The following DRICH1 variants were observed in gnomAD, a reference collection of about 807,000 sequenced individuals.
The protein encoded by DRICH1 is aspartate rich 1, also known as aspartate-rich protein 1.
In DRICH1, 38 loss-of-function variants were observed where a neutral mutation model predicts 39.5. That is an observed-to-expected ratio of 0.96 (90% CI 0.74 to 1.26). The LOEUF (loss-of-function observed/expected upper bound fraction) is 1.26. Among genes scored for constraint, DRICH1 ranks in the 50% most tolerant of loss-of-function variants. DRICH1 has a pLI of 0.00. For missense variants in DRICH1, 279 were observed against 270.4 expected, an observed-to-expected ratio of 1.03 and a Z score of -0.22; for synonymous variants, 84 against 99.5, an observed-to-expected ratio of 0.84 and a Z score of 0.93.
chr22:23,599,718 C>G, the DRICH1 span, among the ~76,000 whole-genome samples: 6 of 152,314 alleles, frequency 3.9e-5, no homozygotes, highest in South Asian at 2.1e-4. Flanking sequence ...AGCCCTGGTT[C>G]AAGCTCCCAG....
rs9624231 is a variant in DRICH1, at chr22:23,622,782, C to T, written c.299-606G>A. On this transcript the variant is annotated intron_variant, in intron 3 of 11. Transcript: ENST00000317749. ...GTGTGTGCCCACAACCTTTTGGGCC[C>T]CTGTAATCAAGGGCTTCATCAGCTC... Among the ~76,000 whole-genome samples the T allele has an allele frequency of 6.0e-3, 907 of 152,174 alleles. 11 individuals carry two copies. Among genetic ancestry groups the T allele is most frequent in the African/African-American group, 0.021 (862 of 41,484 alleles).
At chr22:23,598,917 G>A in the DRICH1 span, among the ~76,000 whole-genome samples, 1 of 152,094 alleles carries the variant, frequency 6.6e-6, no homozygotes, top group African/African-American at 2.4e-5. Flanking sequence ...GTCAGTGAGA[G>A]GCTCTGGCCT....
intron 11 of DRICH1, among the ~76,000 whole-genome samples, chr22:23,609,524 A>G (rs1926918471): frequency 6.6e-6 from 1 of 151,918 alleles, no homozygotes; most frequent in Admixed American, 6.5e-5. Flanking sequence ...CTGCTCCCTC[A>G]CTCCACAGCA....
At chr22:23,623,205 G>A (rs1927871581) in intron 3 of DRICH1, among the ~76,000 whole-genome samples, 2 of 152,100 alleles carry the variant, frequency 1.3e-5, no homozygotes, top group Admixed American at 1.3e-4. Flanking sequence ...AAAAGATTGA[G>A]ACCATCCCGG....
chr22:23,620,696 T>C, intron 4 of DRICH1, 81 bp from the exon 5 acceptor site: 5 of 1,520,162 alleles, frequency 3.3e-6, no homozygotes, highest in Non-Finnish European at 4.6e-6. Flanking sequence ...ATTCTCTTGA[T>C]GACTTCAGAA....
downstream of DRICH1, among the ~76,000 whole-genome samples, chr22:23,606,564 G>C (rs1466092417): frequency 6.6e-6 from 1 of 152,196 alleles, no homozygotes; most frequent in Non-Finnish European, 1.5e-5. Flanking sequence ...CTTCTCAAAG[G>C]CTGGTCTGAC....
Position 23,620,534 on chromosome 22 carries a change from C to T in DRICH1, c.406+60G>A, listed in dbSNP as rs112623999. 5,186 of 1,555,548 alleles carry T rather than the reference C, an allele frequency of 3.3e-3. 112 individuals carry two copies. The African/African-American group carries it at 0.047, about 14-fold the overall frequency. On this transcript the variant is annotated intron_variant, in intron 5 of 11. Transcript: ENST00000317749. ...TTTAACAGGAACCCAGATTAAGGTTCCTATATATTAAAGCCAGCAAGTTTG... is the reference window on the plus strand; with the variant it reads ...TTTAACAGGAACCCAGATTAAGGTTTCTATATATTAAAGCCAGCAAGTTTG...
chr22:23,581,173 G>A, the DRICH1 span: 1 of 152,174 alleles, frequency 6.6e-6, no homozygotes, highest in African/African-American at 2.4e-5. Flanking sequence ...ACTCCATGTT[G>A]TACGATACAT....
At chr22:23,629,330 C>T (rs751087197) in intron 1 of DRICH1, among the ~76,000 whole-genome samples, 2 of 152,072 alleles carry the variant, frequency 1.3e-5, no homozygotes, top group Non-Finnish European at 2.9e-5. Context: ...TGAGCCACCG[C>T]ACCCTGCCCA....
chr22:23,601,156 A>G, the DRICH1 span, among the ~76,000 whole-genome samples: 2 of 151,882 alleles, frequency 1.3e-5, no homozygotes, highest in African/African-American at 2.4e-5. Context: ...GCACACACAC[A>G]CACACACACA....
At chr22:23,632,675 A>ACG (rs1555910823), upstream of DRICH1, 1 of 139,756 alleles carries the variant, frequency 7.2e-6, no homozygotes, top group South Asian at 2.3e-4. Context: ...TGGGAGGCTG[A>ACG]GCGGGGGGGG....
the DRICH1 span, among the ~76,000 whole-genome samples, chr22:23,596,445 G>A: frequency 1.8e-5 from 2 of 113,244 alleles, no homozygotes; most frequent in Admixed American, 1.7e-4. Flanking sequence ...TTTGTGCAAA[G>A]GGGTCTCATT....
chr22:23,614,960 C>T (rs2123769298), intron 8 of DRICH1, among the ~76,000 whole-genome samples: 1 of 152,270 alleles, frequency 6.6e-6, no homozygotes, highest in East Asian at 1.9e-4. Context: ...GGATAAGTTT[C>T]CAGGTTCAAA....
chr22:23,591,194 G>A, the DRICH1 span, among the ~76,000 whole-genome samples: 1 of 152,124 alleles, frequency 6.6e-6, no homozygotes, highest in African/African-American at 2.4e-5. Flanking sequence ...TCAGGCCTGC[G>A]GAATGGTTGA....
the DRICH1 span, among the ~76,000 whole-genome samples, chr22:23,602,684 T>TA: frequency 6.6e-6 from 1 of 150,632 alleles, no homozygotes; most frequent in Non-Finnish European, 1.5e-5. Flanking sequence ...ACTGTGTCTC[T>TA]AAAAAAGGGG....
chr22:23,628,847 T>C (rs183254615), intron 1 of DRICH1, among the ~76,000 whole-genome samples: 4 of 152,202 alleles, frequency 2.6e-5, no homozygotes, highest in African/African-American at 4.8e-5. Context: ...ACGGCCATCA[T>C]CGCACAAAGA....
the DRICH1 span, among the ~76,000 whole-genome samples, chr22:23,592,569 A>G: frequency 2.0e-5 from 3 of 152,164 alleles, no homozygotes; most frequent in African/African-American, 7.2e-5. Flanking sequence ...CCTACTCCAC[A>G]GCCTCTTCAG....
the DRICH1 span, among the ~76,000 whole-genome samples, chr22:23,596,206 C>T: frequency 6.6e-6 from 1 of 152,178 alleles, no homozygotes; most frequent in Non-Finnish European, 1.5e-5. Context: ...TCTTCTCTTT[C>T]CTGTGAGGCC....
At chr22:23,599,929 CT>C in the DRICH1 span, among the ~76,000 whole-genome samples, 4 of 152,214 alleles carry the variant, frequency 2.6e-5, no homozygotes, top group Non-Finnish European at 5.9e-5. Context: ...CAGGTCTCAC[CT>C]GGGGCTGGGC....
Sources: allele counts gnomAD v4.1 joint callset (sites outside exome capture counted in the v4.1 genomes callset), GRCh38; gene constraint gnomAD v4.1.1; transcripts MANE v1.5; gene names NCBI Gene and HGNC (gene_info 2026-07-23, HGNC 2026-07-21).